Variants in RPS6KA2 observed in about 807,000 individuals in gnomAD.
RPS6KA2 encodes ribosomal protein S6 kinase A2, also known as ribosomal protein S6 kinase alpha-2.
In RPS6KA2, 42 loss-of-function variants were observed where a neutral mutation model predicts 91.8. That is an observed-to-expected ratio of 0.46 (90% CI 0.36 to 0.59). The LOEUF is 0.59. Ranked by LOEUF, RPS6KA2 falls within the 20% of genes least tolerant of loss-of-function variation. RPS6KA2 has a pLI of 0.00. For missense variants in RPS6KA2, 798 were observed against 978.5 expected (o/e 0.82, Z 2.46); for synonymous variants, 414 against 393.6 (o/e 1.05, Z -0.61).
chr6:166,644,273 A>C (rs1242237704), intron 2 of RPS6KA2, among the ~76,000 whole-genome samples: 1 of 152,124 alleles, frequency 6.6e-6, no homozygotes, highest in Non-Finnish European at 1.5e-5. Flanking sequence ...AAAGAAAGGG[A>C]ATTATCTAGT....
chr6:166,553,216 C>A (rs762286547), intron 1 of RPS6KA2, among the ~76,000 whole-genome samples: 1 of 152,178 alleles, frequency 6.6e-6, no homozygotes, highest in African/African-American at 2.4e-5. Flanking sequence ...CCTCCCTGGG[C>A]TCAAGAGATC....
At chr6:166,837,648 T>C (rs1780354426) in intron 2 of RPS6KA2, among the ~76,000 whole-genome samples, 1 of 152,182 alleles carries the variant, frequency 6.6e-6, no homozygotes, top group Non-Finnish European at 1.5e-5. Flanking sequence ...CCCAGCTGTG[T>C]CCTCATCACC....
At chr6:166,797,309 GTT>G (rs35809584) in intron 2 of RPS6KA2, among the ~76,000 whole-genome samples, 2 of 147,124 alleles carry the variant, frequency 1.4e-5, no homozygotes, top group African/African-American at 5.0e-5. Context: ...TTCCAGAAAT[GTT>G]TTTTTTTTTT....
intron 2 of RPS6KA2, among the ~76,000 whole-genome samples, chr6:166,706,253 G>A (rs2128578251): frequency 6.6e-6 from 1 of 152,186 alleles, no homozygotes; most frequent in East Asian, 1.9e-4. Flanking sequence ...CAATTGAGAG[G>A]ACCACATGGC....
chr6:166,510,222 A>T (rs1782412600), intron 4 of RPS6KA2, 55 bp downstream of exon 4: 1 of 1,066,476 alleles, frequency 9.4e-7, no homozygotes, highest in Non-Finnish European at 1.4e-6. Context: ...ATTTTCTTTG[A>T]TCTGGAGAAG....
intron 1 of RPS6KA2, among the ~76,000 whole-genome samples, chr6:166,570,360 C>T (rs116159701): frequency 7.7e-4 from 118 of 152,286 alleles, no homozygotes; most frequent in African/African-American, 2.7e-3. Context: ...CTGCATGCCC[C>T]GAAGCTGTTT....
At chr6:166,541,272 C>A (rs1157228350) in intron 1 of RPS6KA2, among the ~76,000 whole-genome samples, 1 of 152,252 alleles carries the variant, frequency 6.6e-6, no homozygotes, top group Non-Finnish European at 1.5e-5. Flanking sequence ...GTGGGGCAGG[C>A]GAGGCACGAG....
intron 10 of RPS6KA2, among the ~76,000 whole-genome samples, chr6:166,470,845 A>G (rs1780740176): frequency 6.6e-6 from 1 of 152,236 alleles, no homozygotes; most frequent in Non-Finnish European, 1.5e-5. Flanking sequence ...TTCTGAACAC[A>G]AAGTCTATTA....
At chr6:166,802,942 G>T (rs9348180) in intron 2 of RPS6KA2, among the ~76,000 whole-genome samples, 1 of 116,076 alleles carries the variant, frequency 8.6e-6, no homozygotes, top group African/African-American at 3.3e-5. Context: ...ATGTGTGTGT[G>T]TGTATATATA....
At chr6:166,693,226 G>A (rs148732149) in intron 2 of RPS6KA2, among the ~76,000 whole-genome samples, 232 of 152,314 alleles carry the variant, frequency 1.5e-3, no homozygotes, top group African/African-American at 5.4e-3. Flanking sequence ...GTGCTGCAGC[G>A]ATTGGATTTT....
At position 166,533,582 on chromosome 6, in the gene RPS6KA2, C is replaced by A. The variant is rs1250986360; in HGVS notation, c.217-2269G>T. Among the ~76,000 whole-genome samples the A allele has an allele frequency of 6.6e-6, 1 of 152,182 alleles. No individual in the cohort carries two copies. The highest frequency in any genetic ancestry group is 2.4e-5 in the African/African-American group (1 of 41,428). On this transcript the variant is annotated intron_variant, in intron 2 of 20. Coordinates refer to ENST00000265678, the MANE Select transcript of RPS6KA2 (RefSeq NM_021135.6). This position sits in a 1 kb window ranked among gnomAD's most constrained non-coding sequence, Gnocchi z 4.0. The stretch of plus-strand genomic sequence containing the variant: ...CAATGAAGAGCAGGTGCAAAACGTT[C>A]CAGCTGCCACTCCCTGCTGTGGCAA...
At chr6:166,622,782 A>G (rs1786692384) in intron 1 of RPS6KA2, among the ~76,000 whole-genome samples, 1 of 152,226 alleles carries the variant, frequency 6.6e-6, no homozygotes, top group Non-Finnish European at 1.5e-5. Flanking sequence ...AATAGAAATA[A>G]ATTGACAATT....
intron 14 of RPS6KA2, among the ~76,000 whole-genome samples, chr6:166,441,420 C>G (rs1209915515): frequency 2.0e-5 from 3 of 152,266 alleles, no homozygotes; most frequent in Admixed American, 1.3e-4. Context: ...AAAGACAGGA[C>G]TGGCCTGGAC....
chr6:166,799,675 G>C (rs752548863), intron 2 of RPS6KA2, among the ~76,000 whole-genome samples: 2 of 152,018 alleles, frequency 1.3e-5, no homozygotes, highest in Admixed American at 1.3e-4. Context: ...AGAGTTGTGC[G>C]AGAGTTTTAT....
At chr6:166,845,286 C>T (rs1426677568) in intron 2 of RPS6KA2, among the ~76,000 whole-genome samples, 1 of 152,152 alleles carries the variant, frequency 6.6e-6, no homozygotes, top group Non-Finnish European at 1.5e-5. Context: ...ACTCCATGGA[C>T]AGCACTAGAC....
chr6:166,550,994 C>CAAAAAAAAAAAAAAAAGAAA (rs1784003444), intron 1 of RPS6KA2, among the ~76,000 whole-genome samples: 1 of 106,380 alleles, frequency 9.4e-6, no homozygotes, highest in Non-Finnish European at 2.0e-5. Flanking sequence ...GACTCTATCT[C>CAAAAAAAAAAAAAAAAGAAA]AAAAAAAAAA....
chr6:166,482,970 G>A (rs543627013), intron 10 of RPS6KA2, among the ~76,000 whole-genome samples: 4 of 152,322 alleles, frequency 2.6e-5, no homozygotes, highest in East Asian at 1.9e-4. Flanking sequence ...AAAGGTGGCC[G>A]TGCAGCCTTG....
intron 11 of RPS6KA2, among the ~76,000 whole-genome samples, chr6:166,464,497 T>C (rs1405187004): frequency 6.6e-6 from 1 of 152,212 alleles, no homozygotes; most frequent in African/African-American, 2.4e-5. Flanking sequence ...GAAACAAAGA[T>C]GTCCCTCCCT....
intron 2 of RPS6KA2, among the ~76,000 whole-genome samples, chr6:166,846,367 AT>A (rs1331358027): frequency 1.3e-5 from 2 of 150,172 alleles, no homozygotes; most frequent in African/African-American, 2.5e-5. Flanking sequence ...CTATGAAGCC[AT>A]TATCACCCCC....
Sources: gnomAD v4.1 joint callset for allele counts (sites outside exome capture counted in the v4.1 genomes callset) on GRCh38, gnomAD v4.1.1 for gene constraint, Gnocchi (gnomAD v3.1) non-coding constraint, MANE v1.5 for transcripts, NCBI Gene and HGNC (gene_info 2026-07-23, HGNC 2026-07-21) for gene names.